The following LRRC7 variants were observed in gnomAD, a reference collection of about 807,000 sequenced individuals.
LRRC7 encodes leucine rich repeat containing 7.
LRRC7 carries 23 observed loss-of-function variants against 175.7 expected under a neutral mutation model. That is an observed-to-expected ratio of 0.13 (90% CI 0.09 to 0.19). LRRC7 has a LOEUF of 0.19. Ranked by LOEUF, LRRC7 falls within the 10% of genes least tolerant of loss-of-function variation. The pLI, the probability that LRRC7 is intolerant of heterozygous loss-of-function variation, is 1.00. For missense variants in LRRC7, 1,354 were observed against 1,904.7 expected, an observed-to-expected ratio of 0.71 and a Z score of 5.38; for synonymous variants, 685 against 680.9, an observed-to-expected ratio of 1.01 and a Z score of -0.09.
intron 7 of LRRC7, chr1:69,919,453 C>A: frequency 1.0e-6 from 1 of 982,360 alleles, no homozygotes; most frequent in Non-Finnish European, 1.6e-6. Context: ...TAACCCCAGC[C>A]AGTGGGAGCG....
At chr1:69,889,017 T>C (rs1645749528) in intron 7 of LRRC7, among the ~76,000 whole-genome samples, 1 of 152,256 alleles carries the variant, frequency 6.6e-6, no homozygotes. Context: ...ATGTTTACAA[T>C]ATACTGTAGT....
chr1:69,974,995 G>A (rs1291983552), intron 8 of LRRC7, among the ~76,000 whole-genome samples: 1 of 152,008 alleles, frequency 6.6e-6, no homozygotes, highest in African/African-American at 2.4e-5. Flanking sequence ...ATTATTATCA[G>A]ATTATTTATC....
intron 3 of LRRC7, among the ~76,000 whole-genome samples, chr1:69,778,999 CATATATACACACACACAAACATATAT>C (rs1464854333): frequency 2.7e-5 from 4 of 149,728 alleles, no homozygotes; most frequent in African/African-American, 9.8e-5. Flanking sequence ...TATATATACA[CATATATACACACACACAAACATATAT>C]ATATATACAC....
chr1:69,887,576 GCTCAGAGTAATTTGATCGT>G (rs1645677695), intron 7 of LRRC7, among the ~76,000 whole-genome samples: 1 of 151,984 alleles, frequency 6.6e-6, no homozygotes, highest in South Asian at 2.1e-4. Context: ...TCCTCCCATA[GCTCAGAGTAATTTGATCGT>G]CTGAAGCCTT....
At chr1:69,761,046 T>A (rs1349685679) in intron 3 of LRRC7, among the ~76,000 whole-genome samples, 1 of 151,892 alleles carries the variant, frequency 6.6e-6, no homozygotes, top group African/African-American at 2.4e-5. Context: ...AAACCAGGTC[T>A]CCTGTGACCT....
chr1:69,617,547 T>TAAAAAAAAAAAAAAAA lies in LRRC7; in HGVS notation c.2+48916_2+48931dup, dbSNP rs11473590. On this transcript the variant is annotated intron_variant, in intron 1 of 26. Coordinates refer to ENST00000651989, the MANE Select transcript of LRRC7 (RefSeq NM_001370785.2). ...GCTGAAGGTTGTTATATACTCACAG[T>TAAAAAAAAAAAAAAAA]AAAAAAAAAAAAAAAAAAAAAAAAA... 4.2e-4 allele frequency among the ~76,000 whole-genome samples: 26 copies of TAAAAAAAAAAAAAAAA among 62,002 alleles called. 2 individuals carry two copies. Among genetic ancestry groups the TAAAAAAAAAAAAAAAA allele is most frequent in the African/African-American group, 5.5e-4 (9 of 16,448 alleles). The allele number at this position is 62,002 out of a possible 152,430, so 40.7% of individuals were successfully genotyped here.
chr1:69,802,857 C>T (rs1292072464), intron 4 of LRRC7, among the ~76,000 whole-genome samples: 3 of 151,268 alleles, frequency 2.0e-5, no homozygotes, highest in African/African-American at 7.3e-5. Context: ...AAAATCTTCC[C>T]TACTCTAATA....
chr1:69,656,274 T>G (rs1223416058), intron 1 of LRRC7, among the ~76,000 whole-genome samples: 2 of 152,046 alleles, frequency 1.3e-5, no homozygotes, highest in Admixed American at 1.3e-4. Context: ...AGGAAATTCC[T>G]GAAAATTTGA....
chr1:69,647,734 G>A (rs1655205534), intron 1 of LRRC7, among the ~76,000 whole-genome samples: 1 of 151,822 alleles, frequency 6.6e-6, no homozygotes, highest in African/African-American at 2.4e-5. Context: ...TGTATATTAA[G>A]TATGCACAAG....
At chr1:69,788,949 C>G (rs1012947451) in intron 3 of LRRC7, among the ~76,000 whole-genome samples, 1 of 152,116 alleles carries the variant, frequency 6.6e-6, no homozygotes, top group African/African-American at 2.4e-5. Context: ...GTTGTTTCCC[C>G]GCACTTAGCA....
At chr1:70,018,695 A>G (rs1265147313) in intron 14 of LRRC7, 24 bp from the exon 15 acceptor site, 3 of 1,538,110 alleles carry the variant, frequency 2.0e-6, no homozygotes, top group Non-Finnish European at 2.7e-6. Flanking sequence ...GTATTCATCT[A>G]ATTTGTATGT....
At chr1:69,912,442 T>C (rs1462862575) in intron 7 of LRRC7, among the ~76,000 whole-genome samples, 1 of 152,216 alleles carries the variant, frequency 6.6e-6, no homozygotes, top group Non-Finnish European at 1.5e-5. Context: ...GGTTGCAATA[T>C]GTTCTAATGA....
rs182464623 is a variant in LRRC7, at chr1:70,062,402, A to C, written c.4230+9257A>C. 1.6e-3 allele frequency among the ~76,000 whole-genome samples: 241 copies of C among 152,228 alleles called. 1 individual carries two copies. The highest frequency in any genetic ancestry group is 5.1e-3 in the African/African-American group (214 of 41,558). On this transcript the variant is annotated intron_variant, in intron 23 of 26. Coordinates refer to ENST00000651989, the MANE Select transcript of LRRC7 (RefSeq NM_001370785.2). ...GGTGAATTCCATATACTCTTTTAAA[A>C]CATATGCTAATTTATATATTATCAT...
chr1:69,878,399 C>T (rs1381274040), intron 7 of LRRC7, among the ~76,000 whole-genome samples: 2 of 152,050 alleles, frequency 1.3e-5, no homozygotes, highest in Non-Finnish European at 2.9e-5. Context: ...ACTGTGGAGC[C>T]AATGGGACAT....
At chr1:69,654,275 A>G (rs781124693) in intron 1 of LRRC7, among the ~76,000 whole-genome samples, 3 of 152,066 alleles carry the variant, frequency 2.0e-5, no homozygotes, top group Non-Finnish European at 4.4e-5. Context: ...CTTAAAACCT[A>G]TGTCATTGGT....
chr1:69,825,848 T>C (rs765951833), intron 5 of LRRC7, 22 bp downstream of exon 5: 5 of 1,421,518 alleles, frequency 3.5e-6, no homozygotes, highest in Non-Finnish European at 4.9e-6. Flanking sequence ...TGATTAAATT[T>C]TATTTGTATT....
intron 7 of LRRC7, among the ~76,000 whole-genome samples, chr1:69,929,607 A>T (rs1371694442): frequency 3.9e-5 from 6 of 152,182 alleles, no homozygotes; most frequent in Non-Finnish European, 7.3e-5. Context: ...TTATAATAAG[A>T]AAGAAGTAAA....
At chr1:69,923,119 C>A (rs1646945236) in intron 7 of LRRC7, among the ~76,000 whole-genome samples, 1 of 152,124 alleles carries the variant, frequency 6.6e-6, no homozygotes, top group African/African-American at 2.4e-5. Flanking sequence ...TTTCCAATTT[C>A]ATCCATGTCC....
At chr1:70,104,044 G>A (rs928147145) in intron 25 of LRRC7, among the ~76,000 whole-genome samples, 8 of 152,132 alleles carry the variant, frequency 5.3e-5, no homozygotes, top group East Asian at 1.9e-4. Context: ...TCTTGCTAGC[G>A]GAGTTGAAAG....
Sources: gnomAD v4.1 joint callset for allele counts (sites outside exome capture counted in the v4.1 genomes callset) on GRCh38, gnomAD v4.1.1 for gene constraint, MANE v1.5 for transcripts, NCBI Gene and HGNC (gene_info 2026-07-23, HGNC 2026-07-21) for gene names.